The following MBOAT1 variants were observed in gnomAD, a reference collection of about 807,000 sequenced individuals.
MBOAT1 encodes the protein membrane bound glycerophospholipid O-acyltransferase 1.
MBOAT1 carries 67 observed loss-of-function variants against 64.4 expected under a neutral mutation model. The observed-to-expected ratio is 1.04, with a 90% CI of 0.85 to 1.27. The LOEUF (loss-of-function observed/expected upper bound fraction) is 1.27, where lower values mean the gene tolerates loss of function less well. Among genes scored for constraint, MBOAT1 ranks in the 50% most tolerant of loss-of-function variants. The pLI is 0.00. For synonymous variants in MBOAT1, 229 were observed against 218.9 expected, an observed-to-expected ratio of 1.05 and a Z score of -0.41; for missense variants, 563 against 604.6, an observed-to-expected ratio of 0.93 and a Z score of 0.72.
chr6:20,165,620 G>A (rs113467469), intron 1 of MBOAT1, among the ~76,000 whole-genome samples: 7,287 of 152,072 alleles, frequency 0.048, 183 homozygotes, highest in Middle Eastern at 0.082. Context: ...GCACACACCT[G>A]TAATCCCAGC....
At chr6:20,198,239 A>AAAG (rs1763015059) in intron 1 of MBOAT1, among the ~76,000 whole-genome samples, 1 of 151,880 alleles carries the variant, frequency 6.6e-6, no homozygotes, top group Admixed American at 6.6e-5. Flanking sequence ...AAAAAAAAAA[A>AAAG]AAAGAAAGAA....
chr6:20,182,595 C>T (rs890857792), intron 1 of MBOAT1, among the ~76,000 whole-genome samples: 7 of 152,128 alleles, frequency 4.6e-5, no homozygotes, highest in South Asian at 2.1e-4. Flanking sequence ...TTCTCCCAGG[C>T]GAGCAATGCC....
chr6:20,143,016 T>A (rs1231779281), intron 4 of MBOAT1, among the ~76,000 whole-genome samples: 2 of 152,162 alleles, frequency 1.3e-5, no homozygotes, highest in African/African-American at 4.8e-5. Context: ...TTGCACAACT[T>A]GCAAAGTTCA....
At chr6:20,132,298 G>A (rs1217123744) in intron 4 of MBOAT1, among the ~76,000 whole-genome samples, 3 of 152,090 alleles carry the variant, frequency 2.0e-5, no homozygotes, top group African/African-American at 4.8e-5. Context: ...CAGATACACG[G>A]GCTCCTTCAT....
intron 1 of MBOAT1, among the ~76,000 whole-genome samples, chr6:20,200,952 A>G (rs2113770020): frequency 6.6e-6 from 1 of 152,250 alleles, no homozygotes; most frequent in East Asian, 1.9e-4. Context: ...GTATCTGCGA[A>G]CATATCTACA....
chr6:20,171,934 G>A (rs543379094), intron 1 of MBOAT1, among the ~76,000 whole-genome samples: 1 of 152,134 alleles, frequency 6.6e-6, no homozygotes, highest in Non-Finnish European at 1.5e-5. Context: ...TTGGGAAGCT[G>A]AGGCAAGAGG....
Position 20,126,575 on chromosome 6 carries a change from A to T in MBOAT1, c.656T>A (p.Leu219Ter), listed in dbSNP as rs201772661. The T allele has an allele frequency of 2.2e-5, 36 of 1,613,672 alleles. No homozygotes were observed. Among genetic ancestry groups the T allele is most frequent in the Non-Finnish European group, 3.0e-5 (35 of 1,179,962 alleles). ...FIEGKHIHMK[L>*]LEVNWKRKGF... Reference sequence around the variant, plus strand: ...TTTTCGCTTCCAGTTCACCTCCAGCAACTTCATGTGTATATGCTTCCCCTC... The same window carrying T: ...TTTTCGCTTCCAGTTCACCTCCAGCTACTTCATGTGTATATGCTTCCCCTC... The change falls in exon 7 of 13, where the codon TTG becomes TAG. Residue 219 changes from leucine (L) to a stop codon, truncating the protein, a stop_gained. Coordinates refer to ENST00000324607, the MANE Select transcript of MBOAT1 (RefSeq NM_001080480.3). LOFTEE classifies it high-confidence loss of function.
At chr6:20,139,930 A>G (rs748045573) in intron 4 of MBOAT1, among the ~76,000 whole-genome samples, 3 of 152,098 alleles carry the variant, frequency 2.0e-5, no homozygotes, top group Non-Finnish European at 2.9e-5. Flanking sequence ...GTCTCCTATC[A>G]CTGTGCCTGG....
At position 20,211,812 on chromosome 6, in the gene MBOAT1, G is replaced by A. The variant is rs79464744; in HGVS notation, c.99+324C>T. On this transcript the variant is annotated intron_variant, in intron 1 of 12. Transcript: ENST00000324607. ...GAGGACACTGATGAAAGAAACACTG[G>A]TTTCATGTATCAGACTACTTCAGAA... Among the ~76,000 whole-genome samples the A allele has an allele frequency of 9.6e-3, 1,464 of 152,168 alleles. 58 individuals carry two copies. The highest frequency in any genetic ancestry group is 0.071 in the Admixed American group (1,089 of 15,278).
At chr6:20,132,065 T>C (rs1262329734) in intron 4 of MBOAT1, among the ~76,000 whole-genome samples, 1 of 151,624 alleles carries the variant, frequency 6.6e-6, no homozygotes, top group Non-Finnish European at 1.5e-5. Flanking sequence ...GTATTTTTTG[T>C]AGAGACTGGG....
chr6:20,139,894 T>G (rs1296697626), intron 4 of MBOAT1, among the ~76,000 whole-genome samples: 2 of 152,128 alleles, frequency 1.3e-5, no homozygotes, highest in Admixed American at 1.3e-4. Context: ...AACTAGACAT[T>G]CATTCTGCAG....
At chr6:20,168,581 GAGAGAGAGGGAGAGAAAGAGAGAAGAGA>G (rs1336722353) in intron 1 of MBOAT1, among the ~76,000 whole-genome samples, 1 of 108,900 alleles carries the variant, frequency 9.2e-6, no homozygotes, top group African/African-American at 3.5e-5. Context: ...GAGAGAGAAA[GAGAGAGAGGGAGAGAAAGAGAGAAGAGA>G]AGAGAAGAGA....
chr6:20,106,143 G>A (rs928543006), intron 12 of MBOAT1, among the ~76,000 whole-genome samples: 2 of 152,210 alleles, frequency 1.3e-5, no homozygotes, highest in African/African-American at 2.4e-5. Flanking sequence ...GATCTGGAAC[G>A]CAACCAGGCC....
At chr6:20,207,638 CATAA>C (rs1162954223) in intron 1 of MBOAT1, among the ~76,000 whole-genome samples, 4 of 152,182 alleles carry the variant, frequency 2.6e-5, no homozygotes, top group African/African-American at 9.7e-5. Flanking sequence ...TGTCAGGATC[CATAA>C]ATAAAGTTGT....
intron 8 of MBOAT1, among the ~76,000 whole-genome samples, chr6:20,119,973 A>G (rs930346652): frequency 6.8e-6 from 1 of 146,874 alleles, no homozygotes; most frequent in African/African-American, 2.5e-5. Flanking sequence ...GAAGAGAATA[A>G]TGATAACTAT....
At chr6:20,169,607 T>TAAA (rs5874753) in intron 1 of MBOAT1, among the ~76,000 whole-genome samples, 168 of 146,400 alleles carry the variant, frequency 1.1e-3, no homozygotes, top group African/African-American at 4.0e-3. Context: ...AATTCTCCGT[T>TAAA]AAAAAAAAAA....
intron 1 of MBOAT1, among the ~76,000 whole-genome samples, chr6:20,193,094 CT>C (rs957948489): frequency 2.8e-5 from 4 of 142,848 alleles, no homozygotes; most frequent in African/African-American, 1.0e-4. Flanking sequence ...CAAGCTCCGT[CT>C]CCCGGGTTCA....
intron 1 of MBOAT1, among the ~76,000 whole-genome samples, chr6:20,181,476 T>A (rs1322203396): frequency 6.6e-6 from 1 of 152,222 alleles, no homozygotes; most frequent in Non-Finnish European, 1.5e-5. Context: ...TCTGTTTTCT[T>A]CTTTCTTGAA....
At chr6:20,141,710 A>G (rs1235855965) in intron 4 of MBOAT1, among the ~76,000 whole-genome samples, 1 of 152,062 alleles carries the variant, frequency 6.6e-6, no homozygotes, top group Non-Finnish European at 1.5e-5. Context: ...TGATGAGTGT[A>G]GAGAGCACAG....
Sources: allele counts gnomAD v4.1 joint callset (sites outside exome capture counted in the v4.1 genomes callset), GRCh38; gene constraint gnomAD v4.1.1; transcripts MANE v1.5; gene names NCBI Gene and HGNC (gene_info 2026-07-23, HGNC 2026-07-21).